LRRN3: variants seen among roughly 807,000 people sequenced by gnomAD.
The protein encoded by LRRN3 is leucine-rich repeat neuronal protein 3.
Under a neutral mutation model 40.1 loss-of-function variants are expected in LRRN3, and 15 were observed. The ratio of observed to expected loss-of-function variants is 0.37; its 90% CI spans 0.25 to 0.58. LRRN3 has a LOEUF of 0.58. Among genes scored for constraint, LRRN3 ranks in the 20% least tolerant of loss-of-function variants. LRRN3 has a pLI of 0.72. For missense variants in LRRN3, 746 were observed against 837.7 expected (o/e 0.89, Z 1.35); for synonymous variants, 308 against 297.2 (o/e 1.04, Z -0.37).
chr7:111,109,200 C>T (rs1045803890), intron 2 of LRRN3, among the ~76,000 whole-genome samples: 30 of 151,672 alleles, frequency 2.0e-4, no homozygotes, highest in African/African-American at 7.2e-4. Context: ...ATTTTCAGTA[C>T]AATTTAACAT....
chr7:111,120,140 T>C (rs1304702085), intron 2 of LRRN3, among the ~76,000 whole-genome samples: 7 of 152,144 alleles, frequency 4.6e-5, no homozygotes, highest in Non-Finnish European at 1.0e-4. Flanking sequence ...TTGGAAATGA[T>C]TATATTTCAA....
chr7:111,102,202 C>A (rs1397808177), intron 2 of LRRN3, among the ~76,000 whole-genome samples: 1 of 151,504 alleles, frequency 6.6e-6, no homozygotes, highest in Non-Finnish European at 1.5e-5. Flanking sequence ...CCAGGTGATT[C>A]AATCCTTACC....
Position 111,124,806 on chromosome 7 carries a change from T to A in LRRN3, c.2034T>A (p.Pro678=). 2 of 1,612,686 alleles carry A rather than the reference T, an allele frequency of 1.2e-6. No homozygotes were observed. Among genetic ancestry groups the A allele is most frequent in the Non-Finnish European group, 1.7e-6 (2 of 1,179,446 alleles). Residue 678 remains proline (P), a synonymous_variant, in exon 3 of 3, where the codon CCT becomes CCA. Transcript: ENST00000308478. The part of the protein sequence containing the change: ...KPTFALGELY[P]PLINLWEAGK... The stretch of plus-strand genomic sequence containing the variant: ...CCTTTGCATTAGGTGAGCTTTATCC[T>A]CCTCTGATAAATCTCTGGGAAGCAG...
intron 2 of LRRN3, among the ~76,000 whole-genome samples, chr7:111,107,448 C>A (rs2129581838): frequency 6.6e-6 from 1 of 152,082 alleles, no homozygotes; most frequent in African/African-American, 2.4e-5. Context: ...AAAAGAAATT[C>A]TGGATAGTTC....
chr7:111,096,518 A>C (rs1379771963), intron 1 of LRRN3, among the ~76,000 whole-genome samples: 2 of 151,048 alleles, frequency 1.3e-5, no homozygotes, highest in Non-Finnish European at 3.0e-5. Flanking sequence ...TAAAAAAAAA[A>C]AAACAAAACA....
At position 111,123,675 on chromosome 7, in the gene LRRN3, T is replaced by C. The variant is rs1355867897; in HGVS notation, c.903T>C (p.Asp301=). The stretch of plus-strand genomic sequence containing the variant: ...ATATGCCTGAGCTGATTTCCATCGA[T>C]AGTCTTGCTGTGGATAACCTGCCAG... ...INNMPELISI[D]SLAVDNLPDL... Residue 301 remains aspartate (D), a synonymous_variant, in exon 3 of 3, where the codon GAT becomes GAC. Coordinates refer to ENST00000308478, the MANE Select transcript of LRRN3 (RefSeq NM_001099658.2). The surrounding 1 kb of genome is among the most constrained non-coding windows in gnomAD (Gnocchi z 6.4). 2 of 1,613,816 alleles carry C rather than the reference T, an allele frequency of 1.2e-6. No homozygotes were observed. Among genetic ancestry groups the C allele is most frequent in the African/African-American group, 1.3e-5 (1 of 74,898 alleles).
At chr7:111,092,687 G>C (rs972739558) in intron 1 of LRRN3, among the ~76,000 whole-genome samples, 1 of 152,144 alleles carries the variant, frequency 6.6e-6, no homozygotes. Flanking sequence ...ATGGAATTCA[G>C]TGTGGGTTAA....
intron 2 of LRRN3, among the ~76,000 whole-genome samples, chr7:111,109,707 G>A (rs214880): frequency 0.11 from 16,499 of 152,180 alleles, 2,178 homozygotes; most frequent in African/African-American, 0.32. Context: ...AGGGGAATCA[G>A]ATAAGGTCAT....
chr7:111,102,455 T>C (rs555024278), intron 2 of LRRN3, among the ~76,000 whole-genome samples: 3 of 151,712 alleles, frequency 2.0e-5, no homozygotes, highest in East Asian at 3.9e-4. Flanking sequence ...AGATGTCTCT[T>C]TAGATTGTCA....
At chr7:111,110,586 C>G (rs1329633830) in intron 2 of LRRN3, among the ~76,000 whole-genome samples, 2 of 152,098 alleles carry the variant, frequency 1.3e-5, no homozygotes, top group African/African-American at 4.8e-5. Context: ...TACTACATAA[C>G]TGTCTTGAAG....
chr7:111,115,859 T>C (rs948684643), intron 2 of LRRN3, among the ~76,000 whole-genome samples: 1 of 151,992 alleles, frequency 6.6e-6, no homozygotes, highest in Non-Finnish European at 1.5e-5. Context: ...GTATTTTTAC[T>C]AGAGACTGGG....
chr7:111,124,757 T>C lies in LRRN3; in HGVS notation c.1985T>C (p.Val662Ala). Reference protein sequence around the residue: ...EMNCDGGHSYVRNYLQKPTFA... With the variant: ...EMNCDGGHSYARNYLQKPTFA... ...AACTGTGATGGTGGACACAGCTATG[T>C]GAGGAATTACTTACAGAAACCAACC... The change falls in exon 3 of 3, where the codon GTG (valine) becomes GCG (alanine). Residue 662 changes from valine (V) to alanine (A), a missense_variant. Val to Ala is a moderately conservative substitution (Grantham distance 64, BLOSUM62 0). Transcript: ENST00000308478. The C allele has an allele frequency of 6.2e-7, 1 of 1,613,834 alleles. No homozygotes were observed. Among genetic ancestry groups the C allele is most frequent in the Non-Finnish European group, 8.5e-7 (1 of 1,179,964 alleles).
rs1800892656 is a variant in LRRN3 at position 111,123,417 on chromosome 7, C to A, written c.645C>A (p.Arg215=). The part of the protein sequence containing the change: ...DMNFKPLINL[R]SLVIAGINLT... ...ACTTTAAGCCTCTTATCAATCTTCG[C>A]AGCCTGGTTATAGCTGGTATAAACC... Residue 215 remains arginine, a synonymous_variant, in exon 3 of 3, where the codon CGC becomes CGA. Coordinates refer to ENST00000308478, the MANE Select transcript of LRRN3 (RefSeq NM_001099658.2). The surrounding 1 kb of genome is among the most constrained non-coding windows in gnomAD (Gnocchi z 6.4). 8 of 1,613,568 alleles carry A rather than the reference C, an allele frequency of 5.0e-6. No individual in the cohort carries two copies. Among genetic ancestry groups the A allele is most frequent in the Non-Finnish European group, 6.8e-6 (8 of 1,179,836 alleles).
intron 1 of LRRN3, among the ~76,000 whole-genome samples, chr7:111,093,170 A>G (rs1586211898): frequency 6.6e-6 from 1 of 152,348 alleles, no homozygotes; most frequent in East Asian, 1.9e-4. Flanking sequence ...TCTCTGTAAG[A>G]TGAACAAGTT....
chr7:111,119,110 C>A (rs781326627), intron 2 of LRRN3, among the ~76,000 whole-genome samples: 2 of 152,124 alleles, frequency 1.3e-5, no homozygotes, highest in Non-Finnish European at 2.9e-5. Context: ...GATATAGGTA[C>A]CTCTCTGCTC....
intron 2 of LRRN3, among the ~76,000 whole-genome samples, chr7:111,104,179 C>T (rs1272458117): frequency 6.6e-6 from 1 of 151,566 alleles, no homozygotes; most frequent in Non-Finnish European, 1.5e-5. Context: ...ATGCACATAC[C>T]TGCCTTTACT....
intron 2 of LRRN3, among the ~76,000 whole-genome samples, chr7:111,114,103 A>C (rs1799556017): frequency 1.3e-5 from 2 of 151,544 alleles, no homozygotes; most frequent in African/African-American, 4.9e-5. Flanking sequence ...ACAGAACTGA[A>C]GTCTCTCAAC....
chr7:111,120,213 C>A (rs1289599629), intron 2 of LRRN3, among the ~76,000 whole-genome samples: 1 of 151,978 alleles, frequency 6.6e-6, no homozygotes, highest in African/African-American at 2.4e-5. Context: ...TGCATTAATC[C>A]GTTCTCATGC....
In LRRN3 at chr7:111,124,327, C is replaced by A; in HGVS notation, c.1555C>A (p.Gln519Lys). Residue 519 changes from glutamine (Q) to lysine (K), a missense_variant, in exon 3 of 3, where the codon CAA becomes AAA. By Grantham distance (53) the Gln-to-Lys change is moderately conservative. Coordinates refer to ENST00000308478, the MANE Select transcript of LRRN3 (RefSeq NM_001099658.2). ...VMIKVDGSFP[Q>K]DNNGSLNIKI... ...GATCAAAGTGGATGGATCTTTTCCACAAGATAACAATGGCTCTTTGAATAT... is the reference window on the plus strand; with the variant it reads ...GATCAAAGTGGATGGATCTTTTCCAAAAGATAACAATGGCTCTTTGAATAT... 6.2e-7 allele frequency: 1 copy of A among 1,613,620 alleles called. No individual in the cohort carries two copies. Among genetic ancestry groups the A allele is most frequent in the Non-Finnish European group, 8.5e-7 (1 of 1,179,808 alleles).
Sources: gnomAD v4.1 joint callset for allele counts (sites outside exome capture counted in the v4.1 genomes callset) on GRCh38, gnomAD v4.1.1 for gene constraint, Gnocchi (gnomAD v3.1) non-coding constraint, MANE v1.5 for transcripts, NCBI Gene and HGNC (gene_info 2026-07-23, HGNC 2026-07-21) for gene names.